The following PAX5 variants were observed in gnomAD, a reference collection of about 807,000 sequenced individuals.
PAX5 encodes the protein paired box 5.
PAX5 carries 9 observed loss-of-function variants against 43.7 expected under a neutral mutation model. That is an observed-to-expected ratio of 0.21 (90% CI 0.12 to 0.36). PAX5 has a LOEUF of 0.36. Among genes scored for constraint, PAX5 ranks in the 10% least tolerant of loss-of-function variants. The pLI is 1.00. For missense variants in PAX5, 383 were observed against 532.7 expected (o/e 0.72, Z 2.77); for synonymous variants, 228 against 214.3 (o/e 1.06, Z -0.56).
intron 5 of PAX5, among the ~76,000 whole-genome samples, chr9:36,984,435 CTTTTTTTTTT>C (rs10663927): frequency 1.5e-4 from 10 of 66,872 alleles, no homozygotes; most frequent in Non-Finnish European, 2.0e-4. Context: ...TTGAACCTCT[CTTTTTTTTTT>C]TTTTTTTTTT....
chr9:36,834,865 G>A lies in PAX5; in HGVS notation c.*5695C>T, dbSNP rs915951851. 1 of 166,788 alleles carries A rather than the reference G, an allele frequency of 6.0e-6. No homozygotes were observed. The highest frequency in any genetic ancestry group is 6.6e-5 in the Admixed American group (1 of 15,192). The allele number at this position is 166,788 out of a possible 1,614,324, so 10.3% of individuals were successfully genotyped here. A position where few individuals can be genotyped will look rare whatever the true frequency, so the allele number is the denominator to read the frequency against. On this transcript the variant is annotated 3_prime_UTR_variant, in exon 10 of 10. Coordinates refer to ENST00000358127, the MANE Select transcript of PAX5 (RefSeq NM_016734.3). ...CACAGGGTGGGGGGCGGGGGTCAGG[G>A]CAGGTGAGGCTGGTGTGGCCTCCTC...
intron 5 of PAX5, among the ~76,000 whole-genome samples, chr9:36,981,184 A>AG (rs143124222): frequency 0.35 from 34,323 of 98,694 alleles, 4,746 homozygotes; most frequent in Non-Finnish European, 0.39. Context: ...AAAACAGCAA[A>AG]GCCCCCCCCC....
chr9:36,844,558 C>A (rs1822383482), intron 9 of PAX5, among the ~76,000 whole-genome samples: 1 of 152,234 alleles, frequency 6.6e-6, no homozygotes, highest in South Asian at 2.1e-4. Context: ...TTTTCCTCCT[C>A]TCCATGCTGT....
At chr9:36,956,009 G>A (rs892349243) in intron 6 of PAX5, among the ~76,000 whole-genome samples, 6 of 151,944 alleles carry the variant, frequency 3.9e-5, no homozygotes, top group African/African-American at 9.7e-5. Context: ...TCAAACTTCC[G>A]ACACACCCTC....
intron 7 of PAX5, among the ~76,000 whole-genome samples, chr9:36,906,860 C>A (rs1486813210): frequency 6.6e-6 from 1 of 151,732 alleles, no homozygotes; most frequent in Non-Finnish European, 1.5e-5. Context: ...GAGTTCTATC[C>A]CCATTTTATA....
At position 36,834,706 on chromosome 9, in the gene PAX5, G is replaced by A. The variant is rs1024139404; in HGVS notation, c.*5854C>T. 8.6e-6 allele frequency: 2 copies of A among 233,150 alleles called. No homozygotes were observed. The highest frequency in any genetic ancestry group is 1.7e-5 in the Non-Finnish European group (2 of 118,052). 14.4% of individuals were successfully genotyped at this position (233,150 alleles called of 1,614,324 possible). A position where few individuals can be genotyped will look rare whatever the true frequency, so the allele number is the denominator to read the frequency against. ...CTTTCTGTTCCACTCCAAGGGAAAT[G>A]CGCCGTTTGTAAATCAAAAATCCAT... On this transcript the variant is annotated 3_prime_UTR_variant, in exon 10 of 10. Transcript: ENST00000358127.
intron 5 of PAX5, among the ~76,000 whole-genome samples, chr9:36,978,696 T>A (rs967895309): frequency 2.0e-5 from 3 of 152,130 alleles, no homozygotes; most frequent in African/African-American, 7.2e-5. Flanking sequence ...TCACTAAATT[T>A]CTCCAAGATG....
At chr9:36,960,432 C>T (rs985099980) in intron 6 of PAX5, among the ~76,000 whole-genome samples, 4 of 151,942 alleles carry the variant, frequency 2.6e-5, no homozygotes, top group Non-Finnish European at 5.9e-5. Context: ...GGCCACAGCC[C>T]GAGGGTCTTG....
In PAX5 at chr9:36,882,653, T is replaced by C. The variant is rs1350641726; in HGVS notation, c.911-548A>G. 6.6e-6 allele frequency among the ~76,000 whole-genome samples: 1 copy of C among 152,220 alleles called. No individual in the cohort carries two copies. On this transcript the variant is annotated intron_variant, in intron 7 of 9. Transcript: ENST00000358127. This position sits in a 1 kb window ranked among gnomAD's most constrained non-coding sequence, Gnocchi z 4.4. ...ATCTGCCTCAAACCTTATAGTCCCA[T>C]ATCTGGCCTAGTACTGAATTTTTCC...
At chr9:36,923,847 A>G (rs1435932384) in intron 6 of PAX5, among the ~76,000 whole-genome samples, 3 of 152,220 alleles carry the variant, frequency 2.0e-5, no homozygotes, top group Admixed American at 1.3e-4. Flanking sequence ...CAAGGCAGAA[A>G]TAAGTGTCTT....
intron 8 of PAX5, among the ~76,000 whole-genome samples, chr9:36,861,578 G>T (rs1488829667): frequency 6.6e-6 from 1 of 151,874 alleles, no homozygotes; most frequent in Non-Finnish European, 1.5e-5. Context: ...TTTGAAGAAA[G>T]AATGAAGGTA....
chr9:36,877,525 CT>C (rs1826025131), intron 8 of PAX5, among the ~76,000 whole-genome samples: 1 of 152,158 alleles, frequency 6.6e-6, no homozygotes, highest in Non-Finnish European at 1.5e-5. Context: ...GCATAGCAAC[CT>C]CAGAGAGACA....
intron 5 of PAX5, among the ~76,000 whole-genome samples, chr9:36,989,659 C>T (rs980002072): frequency 2.0e-5 from 3 of 152,140 alleles, no homozygotes; most frequent in Non-Finnish European, 2.9e-5. Flanking sequence ...ATGTAGATCA[C>T]GAAAGAGCTC....
intron 1 of PAX5, among the ~76,000 whole-genome samples, chr9:37,022,692 A>C (rs989313928): frequency 6.6e-6 from 1 of 152,350 alleles, no homozygotes. Flanking sequence ...ATTTATGAGC[A>C]CTGGGGGCTG....
At chr9:36,874,706 T>C (rs1825765253) in intron 8 of PAX5, among the ~76,000 whole-genome samples, 1 of 152,160 alleles carries the variant, frequency 6.6e-6, no homozygotes, top group Non-Finnish European at 1.5e-5. Flanking sequence ...TTGGCAGTGC[T>C]CTCATTTCTG....
chr9:36,976,900 C>T (rs1279684650), intron 5 of PAX5, among the ~76,000 whole-genome samples: 1 of 152,152 alleles, frequency 6.6e-6, no homozygotes. Flanking sequence ...ACAGCAGATT[C>T]AAGGTGAGCT....
At chr9:36,851,268 C>A (rs1054062280) in intron 8 of PAX5, among the ~76,000 whole-genome samples, 1 of 152,282 alleles carries the variant, frequency 6.6e-6, no homozygotes, top group East Asian at 1.9e-4. Context: ...TGAAAACTAA[C>A]TGAGGCCCTA....
At chr9:36,940,062 C>T (rs1281532751) in intron 6 of PAX5, among the ~76,000 whole-genome samples, 1 of 152,200 alleles carries the variant, frequency 6.6e-6, no homozygotes, top group Admixed American at 6.5e-5. Context: ...TATTGCCCGG[C>T]GCTGCCTTCC....
intron 7 of PAX5, among the ~76,000 whole-genome samples, chr9:36,916,756 C>A (rs1033966798): frequency 6.6e-6 from 1 of 152,032 alleles, no homozygotes; most frequent in Admixed American, 6.6e-5. Context: ...GTGATCTCGG[C>A]TCATTGCCAT....
Sources: allele counts gnomAD v4.1 joint callset (sites outside exome capture counted in the v4.1 genomes callset), GRCh38; gene constraint gnomAD v4.1.1; non-coding constraint Gnocchi (gnomAD v3.1); transcripts MANE v1.5; gene names NCBI Gene and HGNC (gene_info 2026-07-23, HGNC 2026-07-21).